The following SNX29 variants were observed in gnomAD, a reference collection of about 807,000 sequenced individuals.
The protein encoded by SNX29 is sorting nexin 29, also known as sorting nexin-29.
In SNX29, 78 loss-of-function variants were observed where a neutral mutation model predicts 102.1. The observed-to-expected ratio is 0.76, with a 90% CI of 0.64 to 0.92. The LOEUF (loss-of-function observed/expected upper bound fraction) is 0.92. Among genes scored for constraint, SNX29 ranks in the 40% least tolerant of loss-of-function variants. The pLI, the probability that SNX29 is intolerant of heterozygous loss-of-function variation, is 0.00. For synonymous variants in SNX29, 580 were observed against 414.5 expected, an observed-to-expected ratio of 1.40 and a Z score of -4.85; for missense variants, 1,280 against 1,061.7, an observed-to-expected ratio of 1.21 and a Z score of -2.86.
intron 15 of SNX29, among the ~76,000 whole-genome samples, chr16:12,311,885 T>G (rs1472955987): frequency 6.6e-6 from 1 of 152,176 alleles, no homozygotes; most frequent in African/African-American, 2.4e-5. Flanking sequence ...GATAGAGTTA[T>G]CTCTATCTTT....
intron 11 of SNX29, among the ~76,000 whole-genome samples, chr16:12,108,871 C>T (rs1313700366): frequency 6.6e-6 from 1 of 152,098 alleles, no homozygotes; most frequent in Non-Finnish European, 1.5e-5. Context: ...TGGCTCACGC[C>T]TGTAATCCCA....
chr16:12,469,172 C>T (rs978277541), intron 18 of SNX29, among the ~76,000 whole-genome samples: 4 of 152,206 alleles, frequency 2.6e-5, no homozygotes, highest in African/African-American at 7.2e-5. Context: ...AATGCATTTC[C>T]TCTTGTACTA....
intron 16 of SNX29, among the ~76,000 whole-genome samples, chr16:12,383,912 G>A (rs1478351876): frequency 3.3e-5 from 5 of 150,428 alleles, no homozygotes; most frequent in African/African-American, 1.2e-4. Context: ...TCTACTCTCT[G>A]TCTCCATGAG....
rs139619407 is a variant in SNX29, at chr16:12,389,394, A to G, written c.1900-9052A>G. ...TTTCCTCCCATACTGTTCTCATGGT[A>G]GTGATTAAGTCTCATGAGATCTGAG... On this transcript the variant is annotated intron_variant, in intron 16 of 20. Coordinates refer to ENST00000566228, the MANE Select transcript of SNX29 (RefSeq NM_032167.5). Among the ~76,000 whole-genome samples, 1,101 of 152,210 alleles carry G rather than the reference A, an allele frequency of 7.2e-3. 13 individuals carry two copies. The highest frequency in any genetic ancestry group is 0.025 in the African/African-American group (1,053 of 41,532).
chr16:12,162,268 C>T (rs760748584), intron 13 of SNX29, among the ~76,000 whole-genome samples: 1 of 152,216 alleles, frequency 6.6e-6, no homozygotes, highest in Non-Finnish European at 1.5e-5. Context: ...TCTGTTTACC[C>T]TCTCATCGTC....
intron 11 of SNX29, among the ~76,000 whole-genome samples, chr16:12,082,681 T>C (rs2051966661): frequency 6.6e-6 from 1 of 152,226 alleles, no homozygotes; most frequent in South Asian, 2.1e-4. Context: ...CATTTGAGCC[T>C]TGATACTTGG....
chr16:12,049,537 T>A (rs2050221549), intron 7 of SNX29, among the ~76,000 whole-genome samples: 1 of 152,106 alleles, frequency 6.6e-6, no homozygotes, highest in African/African-American at 2.4e-5. Context: ...TTCCCCATGT[T>A]GGCCAGGCTG....
intron 18 of SNX29, among the ~76,000 whole-genome samples, chr16:12,444,257 CG>C (rs1567569578): frequency 2.1e-5 from 3 of 142,842 alleles, no homozygotes; most frequent in Non-Finnish European, 3.1e-5. Context: ...GCACCGAGCA[CG>C]TAGTAAGCAC....
At chr16:12,522,022 G>C (rs1473692763) in intron 19 of SNX29, among the ~76,000 whole-genome samples, 1 of 152,094 alleles carries the variant, frequency 6.6e-6, no homozygotes, top group Non-Finnish European at 1.5e-5. Context: ...GGTGGCTTTG[G>C]AGAAGAAGAC....
At chr16:12,490,471 C>G (rs959799209) in intron 19 of SNX29, among the ~76,000 whole-genome samples, 14 of 152,180 alleles carry the variant, frequency 9.2e-5, no homozygotes, top group Non-Finnish European at 2.1e-4. Flanking sequence ...TCAATGTTTT[C>G]TGGTCTGGCT....
rs1354571472 is a variant in SNX29 at position 12,177,797 on chromosome 16, C to G, written c.1596-21804C>G. On this transcript the variant is annotated intron_variant, in intron 13 of 20. Transcript: ENST00000566228. The stretch of plus-strand genomic sequence containing the variant: ...TTAACTTCAATCAGTCAATATTTGC[C>G]AAATGCCTGCTGTGGGCGGGGTGCT... Among the ~76,000 whole-genome samples, 3 of 152,154 alleles carry G rather than the reference C, an allele frequency of 2.0e-5. No individual in the cohort carries two copies. In the East Asian group the frequency reaches 5.8e-4, roughly 29 times the overall value.
At chr16:12,295,549 G>C (rs1457644848) in intron 15 of SNX29, among the ~76,000 whole-genome samples, 1 of 152,176 alleles carries the variant, frequency 6.6e-6, no homozygotes, top group Non-Finnish European at 1.5e-5. Flanking sequence ...GCAGAGAGCT[G>C]AATATACCCT....
chr16:12,356,536 C>T (rs1218444269), intron 16 of SNX29, among the ~76,000 whole-genome samples: 1 of 152,190 alleles, frequency 6.6e-6, no homozygotes, highest in South Asian at 2.1e-4. Context: ...GTCCCCTCCC[C>T]CCGCAAACCC....
intron 16 of SNX29, among the ~76,000 whole-genome samples, chr16:12,384,868 A>G (rs1422283202): frequency 6.6e-6 from 1 of 152,160 alleles, no homozygotes; most frequent in Non-Finnish European, 1.5e-5. Flanking sequence ...TGTAATGGAC[A>G]CATATAAAAA....
chr16:12,395,446 G>A (rs1257694639), intron 16 of SNX29, among the ~76,000 whole-genome samples: 1 of 152,248 alleles, frequency 6.6e-6, no homozygotes, highest in Non-Finnish European at 1.5e-5. Context: ...TGTGTGTACA[G>A]CACCGAGGGT....
chr16:12,280,427 G>C (rs1396356038), intron 15 of SNX29, among the ~76,000 whole-genome samples: 1 of 152,228 alleles, frequency 6.6e-6, no homozygotes, highest in Non-Finnish European at 1.5e-5. Flanking sequence ...GTTCTGGCCA[G>C]CTGTGAGAGG....
At chr16:11,996,424 C>G (rs992047477) in intron 1 of SNX29, among the ~76,000 whole-genome samples, 2 of 152,098 alleles carry the variant, frequency 1.3e-5, no homozygotes, top group African/African-American at 4.8e-5. Flanking sequence ...AACAAGATCT[C>G]CAGGAGATCT....
intron 15 of SNX29, among the ~76,000 whole-genome samples, chr16:12,319,632 GGTA>G (rs2080863655): frequency 6.6e-6 from 1 of 152,178 alleles, no homozygotes; most frequent in Non-Finnish European, 1.5e-5. Context: ...CAAGGAGTGA[GGTA>G]GTGATGAGGA....
intron 14 of SNX29, among the ~76,000 whole-genome samples, chr16:12,276,969 A>G (rs1337641468): frequency 6.6e-6 from 1 of 152,194 alleles, no homozygotes; most frequent in African/African-American, 2.4e-5. Flanking sequence ...AGTATGGTTT[A>G]TAAATACCAA....
Sources: gnomAD v4.1 joint callset for allele counts (sites outside exome capture counted in the v4.1 genomes callset) on GRCh38, gnomAD v4.1.1 for gene constraint, MANE v1.5 for transcripts, NCBI Gene and HGNC (gene_info 2026-07-23, HGNC 2026-07-21) for gene names.